DCC: variants seen among roughly 807,000 people sequenced by gnomAD.
DCC encodes DCC netrin 1 receptor.
DCC carries 58 observed loss-of-function variants against 172.5 expected under a neutral mutation model. The ratio of observed to expected loss-of-function variants is 0.34; its 90% confidence interval spans 0.27 to 0.42. The LOEUF (loss-of-function observed/expected upper bound fraction) is 0.42. DCC is among the 10% of genes least tolerant of loss of function. The pLI, the probability that DCC is intolerant of heterozygous loss-of-function variation, is 1.00. For missense variants in DCC, 1,740 were observed against 1,791.0 expected (o/e 0.97, Z 0.51); for synonymous variants, 709 against 644.5 (o/e 1.10, Z -1.52).
At position 52,384,674 on chromosome 18, in the gene DCC, C is replaced by A. The variant is rs575343007; in HGVS notation, c.91+43796C>A. Reference sequence around the variant, plus strand: ...CTTGTTTTTAAAGTTACCAAGTCGTCTTTTTTATGCCCGCATTTGTATGCC... The same window carrying A: ...CTTGTTTTTAAAGTTACCAAGTCGTATTTTTTATGCCCGCATTTGTATGCC... On this transcript the variant is annotated intron_variant, in intron 1 of 28. Coordinates refer to ENST00000442544, the MANE Select transcript of DCC (RefSeq NM_005215.4). Among the ~76,000 whole-genome samples, 3 of 152,184 alleles carry A rather than the reference C, an allele frequency of 2.0e-5. No individual in the cohort carries two copies. In the South Asian group the frequency reaches 6.2e-4, roughly 32 times the overall value.
At chr18:52,737,746 A>G (rs1196291022) in intron 1 of DCC, among the ~76,000 whole-genome samples, 1 of 152,154 alleles carries the variant, frequency 6.6e-6, no homozygotes, top group Non-Finnish European at 1.5e-5. Flanking sequence ...ATAGACATTT[A>G]GTAGGTGTTT....
intron 1 of DCC, among the ~76,000 whole-genome samples, chr18:52,616,813 A>G (rs942015069): frequency 4.6e-5 from 7 of 152,110 alleles, no homozygotes; most frequent in Admixed American, 1.3e-4. Flanking sequence ...GTGAAAAAGG[A>G]CTCTAGACAG....
chr18:53,010,788 T>G (rs2041718485), intron 5 of DCC, among the ~76,000 whole-genome samples: 1 of 151,010 alleles, frequency 6.6e-6, no homozygotes, highest in East Asian at 1.9e-4. Context: ...CATTACACAC[T>G]GTAAGTAAGA....
intron 15 of DCC, among the ~76,000 whole-genome samples, chr18:53,349,909 T>A (rs1381238688): frequency 6.6e-6 from 1 of 152,108 alleles, no homozygotes; most frequent in Non-Finnish European, 1.5e-5. Context: ...AAATAGAATT[T>A]TAAAGCAATC....
intron 1 of DCC, among the ~76,000 whole-genome samples, chr18:52,666,157 G>T (rs186079262): frequency 6.6e-6 from 1 of 152,254 alleles, no homozygotes; most frequent in Admixed American, 6.5e-5. Flanking sequence ...GCCGGGTGTG[G>T]TGGTGTGCAC....
chr18:53,320,199 A>C (rs1411064817), intron 13 of DCC, among the ~76,000 whole-genome samples: 1 of 150,254 alleles, frequency 6.7e-6, no homozygotes, highest in African/African-American at 2.5e-5. Context: ...CAGCCTCCCG[A>C]GTAGCTGGGA....
chr18:52,651,349 T>C (rs1447290901), intron 1 of DCC, among the ~76,000 whole-genome samples: 2 of 151,952 alleles, frequency 1.3e-5, no homozygotes, highest in Non-Finnish European at 2.9e-5. Context: ...CTTGGATTTC[T>C]AAAAAACAAT....
At chr18:52,566,315 T>C (rs2033159472) in intron 1 of DCC, among the ~76,000 whole-genome samples, 1 of 151,848 alleles carries the variant, frequency 6.6e-6, no homozygotes, top group South Asian at 2.1e-4. Flanking sequence ...AGTTGAACAA[T>C]GAGAATACAT....
At chr18:52,830,678 A>G (rs948952307) in intron 2 of DCC, among the ~76,000 whole-genome samples, 7 of 152,158 alleles carry the variant, frequency 4.6e-5, no homozygotes, top group African/African-American at 1.7e-4. Flanking sequence ...AAATGCTGTC[A>G]TTGTTCTAGA....
chr18:53,197,326 T>G (rs192605888), intron 9 of DCC, among the ~76,000 whole-genome samples: 1 of 152,094 alleles, frequency 6.6e-6, no homozygotes, highest in East Asian at 1.9e-4. Flanking sequence ...AGCCACAGAA[T>G]TCTGACCTGA....
At chr18:52,790,666 C>T (rs1405766917) in intron 2 of DCC, among the ~76,000 whole-genome samples, 1 of 152,200 alleles carries the variant, frequency 6.6e-6, no homozygotes, top group African/African-American at 2.4e-5. Flanking sequence ...GTACTGCTTC[C>T]TTTCCTATCA....
intron 12 of DCC, among the ~76,000 whole-genome samples, chr18:53,286,935 TAAG>T (rs2056942461): frequency 6.6e-6 from 1 of 152,178 alleles, no homozygotes; most frequent in Non-Finnish European, 1.5e-5. Flanking sequence ...AATTTGAAAT[TAAG>T]TGATAGGCAT....
At chr18:53,143,311 A>T (rs1346166784) in intron 7 of DCC, among the ~76,000 whole-genome samples, 1 of 152,208 alleles carries the variant, frequency 6.6e-6, no homozygotes, top group Non-Finnish European at 1.5e-5. Context: ...CTAGATAGTT[A>T]AGAAGGCAGT....
chr18:52,933,429 T>G (rs2040337024), intron 5 of DCC, among the ~76,000 whole-genome samples: 1 of 140,790 alleles, frequency 7.1e-6, no homozygotes, highest in African/African-American at 2.7e-5. Flanking sequence ...GAGGGGAGAG[T>G]ATGAGAATGG....
intron 1 of DCC, among the ~76,000 whole-genome samples, chr18:52,488,392 T>C (rs2030334881): frequency 6.6e-6 from 1 of 152,132 alleles, no homozygotes; most frequent in Non-Finnish European, 1.5e-5. Flanking sequence ...TTTCCTCCAA[T>C]ATTAATGTGC....
intron 9 of DCC, among the ~76,000 whole-genome samples, chr18:53,195,158 C>A (rs539949812): frequency 6.6e-6 from 1 of 152,092 alleles, no homozygotes; most frequent in East Asian, 1.9e-4. Context: ...GGTTTTTTGA[C>A]TCAGGAATCA....
chr18:53,100,350 A>G (rs1351709184), intron 7 of DCC, among the ~76,000 whole-genome samples: 1 of 152,106 alleles, frequency 6.6e-6, no homozygotes, highest in Non-Finnish European at 1.5e-5. Flanking sequence ...ACATATATAA[A>G]TTTACTTGTT....
chr18:52,857,441 T>G (rs2039072783), intron 2 of DCC, among the ~76,000 whole-genome samples: 1 of 152,208 alleles, frequency 6.6e-6, no homozygotes, highest in Admixed American at 6.5e-5. Context: ...GATGCATATT[T>G]TCTTTCTAAT....
intron 12 of DCC, among the ~76,000 whole-genome samples, chr18:53,244,846 A>T (rs1170065078): frequency 1.3e-5 from 2 of 152,096 alleles, no homozygotes; most frequent in Non-Finnish European, 2.9e-5. Context: ...ACAGTGTGTG[A>T]TACTGTCTAT....
Sources: gnomAD v4.1 joint callset for allele counts (sites outside exome capture counted in the v4.1 genomes callset) on GRCh38, gnomAD v4.1.1 for gene constraint, MANE v1.5 for transcripts, NCBI Gene and HGNC (gene_info 2026-07-23, HGNC 2026-07-21) for gene names.